TRPC5: variants seen among roughly 807,000 people sequenced by gnomAD.
TRPC5 encodes the protein transient receptor potential cation channel subfamily C member 5, also known as short transient receptor potential channel 5.
In TRPC5, 9 loss-of-function variants were observed where a neutral mutation model predicts 56.5. The observed-to-expected ratio is 0.16, with a 90% confidence interval of 0.10 to 0.28. TRPC5 has a LOEUF of 0.28. Ranked by LOEUF, TRPC5 falls within the 10% of genes least tolerant of loss-of-function variation. The probability of loss-of-function intolerance (pLI) is 1.00; values close to 1 mark genes in which losing one functional copy is unlikely to be tolerated. For synonymous variants in TRPC5, 282 were observed against 278.5 expected (o/e 1.01, Z -0.13); for missense variants, 469 against 748.9 (o/e 0.63, Z 4.36).
intron 1 of TRPC5, among the ~76,000 whole-genome samples, chrX:111,996,882 G>A (rs1928551565): frequency 9.0e-6 from 1 of 110,713 alleles, no homozygotes; most frequent in Non-Finnish European, 1.9e-5. Context: ...CTTTATTTTA[G>A]CCTATGTGAC....
At chrX:111,823,626 C>T (rs938478102) in intron 7 of TRPC5, among the ~76,000 whole-genome samples, 1 of 111,025 alleles carries the variant, frequency 9.0e-6, no homozygotes, top group African/African-American at 3.3e-5. Context: ...GTGAAGTCTG[C>T]TGGACACACT....
At chrX:112,032,157 C>T (rs1385309528) in intron 1 of TRPC5, among the ~76,000 whole-genome samples, 1 of 110,719 alleles carries the variant, frequency 9.0e-6, no homozygotes, top group African/African-American at 3.3e-5. Context: ...CCCAGCATCA[C>T]TAATCATCAG....
intron 3 of TRPC5, among the ~76,000 whole-genome samples, chrX:111,905,367 C>G (rs949843034): frequency 1.9e-4 from 21 of 111,296 alleles, no homozygotes; most frequent in African/African-American, 6.9e-4. Context: ...AACCAACCAA[C>G]CAACCAACCA....
chrX:111,993,131 T>G (rs1162513320), intron 1 of TRPC5, among the ~76,000 whole-genome samples: 3 of 101,384 alleles, frequency 3.0e-5, no homozygotes, highest in African/African-American at 1.1e-4. Context: ...AGTTCCTGCC[T>G]ATGAGTGAGA....
In TRPC5 at chrX:111,783,911, CT is replaced by C. The variant is rs1368887391; in HGVS notation, c.1897-1774del. 2.7e-5 allele frequency among the ~76,000 whole-genome samples: 3 copies of C among 111,698 alleles called. No homozygotes were observed. The South Asian group carries it at 1.1e-3, about 41-fold the overall frequency. On this transcript the variant is annotated intron_variant, in intron 7 of 10. Transcript: ENST00000262839. Reference sequence around the variant, plus strand: ...CAACTTTTATAGTTGTAAGATATGCCTTTAGTTCTATGATCCATTTTGAGTT... The same window carrying C: ...CAACTTTTATAGTTGTAAGATATGCCTTAGTTCTATGATCCATTTTGAGTT...
rs1300957274 is a variant in TRPC5, at chrX:111,936,636, T to C, written c.378+15407A>G. Among the ~76,000 whole-genome samples, 3 of 99,913 alleles carry C rather than the reference T, an allele frequency of 3.0e-5. No homozygotes were observed. In the Admixed American group the frequency reaches 3.3e-4, roughly 11 times the overall value. 86.8% of individuals were successfully genotyped at this position (99,913 alleles called of 115,157 possible). On this transcript the variant is annotated intron_variant, in intron 2 of 10. Coordinates refer to ENST00000262839, the MANE Select transcript of TRPC5 (RefSeq NM_012471.3). ...TGCGATAGTTTACTGAGAATGATGA[T>C]TTCCAATTTCATCCATGTCCCTACA...
intron 7 of TRPC5, among the ~76,000 whole-genome samples, chrX:111,820,778 A>C (rs1012438559): frequency 1.8e-5 from 2 of 112,205 alleles, no homozygotes; most frequent in African/African-American, 6.5e-5. Flanking sequence ...CTTATACATT[A>C]GCAATTAATT....
At chrX:111,815,864 G>A (rs1231666388) in intron 7 of TRPC5, among the ~76,000 whole-genome samples, 3 of 111,394 alleles carry the variant, frequency 2.7e-5, no homozygotes, top group African/African-American at 6.5e-5. Flanking sequence ...ACGGTGGAGA[G>A]TAGGTATAAT....
At position 111,957,852 on chromosome X, in the gene TRPC5, C is replaced by T. The variant is rs757669064; in HGVS notation, c.-21-5411G>A. Among the ~76,000 whole-genome samples the T allele has an allele frequency of 8.3e-4, 93 of 111,870 alleles. 1 individual carries two copies. The highest frequency in any genetic ancestry group is 2.5e-3 in the African/African-American group (77 of 30,770). On this transcript the variant is annotated intron_variant, in intron 1 of 10. Transcript: ENST00000262839. ...GAGACAAAAATGTAAATAAGTTAAA[C>T]ATAGTGCAGGGTGATAGATATTCTA...
chrX:111,851,863 A>T (rs1923094514), intron 5 of TRPC5, among the ~76,000 whole-genome samples: 1 of 111,777 alleles, frequency 8.9e-6, no homozygotes, highest in African/African-American at 3.2e-5. Context: ...ATTACTAATG[A>T]TTGTGTCACA....
chrX:111,947,965 C>T (rs772669042), intron 2 of TRPC5, among the ~76,000 whole-genome samples: 1 of 111,730 alleles, frequency 9.0e-6, no homozygotes, highest in Non-Finnish European at 1.9e-5. Context: ...ATTCTTAGTC[C>T]GTGAGTTATA....
At chrX:112,070,525 T>C (rs866335304) in intron 1 of TRPC5, among the ~76,000 whole-genome samples, 5 of 111,372 alleles carry the variant, frequency 4.5e-5, no homozygotes, top group African/African-American at 1.6e-4. Context: ...CTTTGAGATA[T>C]GAATCTCCCC....
chrX:111,929,940 T>C (rs1926363070), intron 2 of TRPC5, among the ~76,000 whole-genome samples: 1 of 111,756 alleles, frequency 8.9e-6, no homozygotes, highest in South Asian at 3.8e-4. Context: ...GAAGAGACCT[T>C]GGAGATGACA....
chrX:111,769,553 G>T lies in TRPC5; in HGVS notation c.*6760C>A, dbSNP rs1418335082. 4.5e-5 allele frequency among the ~76,000 whole-genome samples: 5 copies of T among 111,132 alleles called. No individual in the cohort carries two copies. The highest frequency in any genetic ancestry group is 9.6e-5 in the Admixed American group (1 of 10,410). On this transcript the variant is annotated 3_prime_UTR_variant, in exon 11 of 11. Coordinates refer to ENST00000262839, the MANE Select transcript of TRPC5 (RefSeq NM_012471.3). ...TTGATTTTGGCTGGTGCTTCCAGGG[G>T]TATATACAACTCTGAAAACTCACCA...
At chrX:112,059,402 T>A (rs1217216264) in intron 1 of TRPC5, among the ~76,000 whole-genome samples, 1 of 112,487 alleles carries the variant, frequency 8.9e-6, no homozygotes, top group African/African-American at 3.2e-5. Flanking sequence ...CCTTGCCTAC[T>A]GTTATTTTGG....
intron 3 of TRPC5, among the ~76,000 whole-genome samples, chrX:111,906,021 T>C (rs773206620): frequency 4.5e-5 from 5 of 110,731 alleles, no homozygotes; most frequent in African/African-American, 1.6e-4. Flanking sequence ...GCCACAGTTA[T>C]GAAACATAAC....
At chrX:111,970,873 C>T (rs1386047358) in intron 1 of TRPC5, among the ~76,000 whole-genome samples, 2 of 107,849 alleles carry the variant, frequency 1.9e-5, no homozygotes, top group African/African-American at 6.8e-5. Flanking sequence ...GGGTTCACAC[C>T]ATTCTCCTGC....
At chrX:112,058,553 A>G (rs1930391046) in intron 1 of TRPC5, among the ~76,000 whole-genome samples, 2 of 111,662 alleles carry the variant, frequency 1.8e-5, no homozygotes, top group African/African-American at 6.5e-5. Context: ...CATATGTAGG[A>G]TATTATTCCC....
intron 2 of TRPC5, among the ~76,000 whole-genome samples, chrX:111,933,461 T>C (rs1273185717): frequency 1.8e-5 from 2 of 110,724 alleles, no homozygotes; most frequent in African/African-American, 6.6e-5. Flanking sequence ...AACTTTCTAA[T>C]GGGACATGTG....
Sources: gnomAD v4.1 joint callset for allele counts (sites outside exome capture counted in the v4.1 genomes callset) on GRCh38, gnomAD v4.1.1 for gene constraint, MANE v1.5 for transcripts, NCBI Gene and HGNC (gene_info 2026-07-23, HGNC 2026-07-21) for gene names.